Variants in FBN2 observed in about 807,000 individuals in gnomAD.
FBN2 encodes the protein fibrillin 2.
Under a neutral mutation model 355.6 loss-of-function variants are expected in FBN2, and 105 were observed. That is an observed-to-expected ratio of 0.30 (90% CI 0.25 to 0.35). The LOEUF is 0.35. Ranked by LOEUF, FBN2 falls within the 10% of genes least tolerant of loss-of-function variation. The pLI is 1.00. For missense variants in FBN2, 3,280 were observed against 3,758.7 expected (o/e 0.87, Z 3.33); for synonymous variants, 1,350 against 1,301.2 (o/e 1.04, Z -0.81).
At chr5:128,377,994 T>G (rs1051160056) in intron 12 of FBN2, 117 bp from the exon 13 acceptor site, 73 of 1,105,600 alleles carry the variant, frequency 6.6e-5, no homozygotes, top group Middle Eastern at 4.1e-4. Context: ...TAGCAAAATT[T>G]CTGTCTCTCA....
intron 5 of FBN2, among the ~76,000 whole-genome samples, chr5:128,512,431 T>G (rs1344321055): frequency 6.9e-6 from 1 of 145,596 alleles, no homozygotes; most frequent in Non-Finnish European, 1.5e-5. Flanking sequence ...GAGAATAGCT[T>G]GAACCGGGGA....
chr5:128,475,988 T>C (rs958080442), intron 5 of FBN2, among the ~76,000 whole-genome samples: 1 of 152,218 alleles, frequency 6.6e-6, no homozygotes, highest in African/African-American at 2.4e-5. Context: ...AAATTATTCC[T>C]ACAATCTCAA....
chr5:128,520,661 G>A (rs1756407089), intron 4 of FBN2, among the ~76,000 whole-genome samples: 1 of 152,140 alleles, frequency 6.6e-6, no homozygotes, highest in African/African-American at 2.4e-5. Flanking sequence ...GCTGATGATG[G>A]TCAGAAGACT....
intron 55 of FBN2, among the ~76,000 whole-genome samples, chr5:128,283,233 C>T (rs1749031230): frequency 6.6e-6 from 1 of 152,298 alleles, no homozygotes; most frequent in African/African-American, 2.4e-5. Context: ...TAAAACAATA[C>T]AAAAAACTCT....
At chr5:128,522,437 G>C (rs954600682) in intron 4 of FBN2, among the ~76,000 whole-genome samples, 1 of 152,158 alleles carries the variant, frequency 6.6e-6, no homozygotes, top group Admixed American at 6.5e-5. Flanking sequence ...CCTGCAAAAA[G>C]AGACTTAACA....
intron 34 of FBN2, among the ~76,000 whole-genome samples, chr5:128,319,937 A>C (rs903308156): frequency 1.3e-4 from 20 of 152,246 alleles, no homozygotes; most frequent in Non-Finnish European, 2.9e-4. Flanking sequence ...GACTAGACAA[A>C]TCATTCTAAA....
chr5:128,373,723 T>C (rs1752008543), intron 15 of FBN2, among the ~76,000 whole-genome samples: 1 of 152,172 alleles, frequency 6.6e-6, no homozygotes, highest in Non-Finnish European at 1.5e-5. Flanking sequence ...ATCACTGGAA[T>C]ATATTGCTGG....
At chr5:128,272,295 G>A (rs1331900761) in intron 61 of FBN2, among the ~76,000 whole-genome samples, 177 bp from the exon 62 acceptor site, 1 of 151,952 alleles carries the variant, frequency 6.6e-6, no homozygotes, top group Non-Finnish European at 1.5e-5. Flanking sequence ...TGGTGGTGCA[G>A]GGAACAGTTC....
chr5:128,293,983 C>T (rs1749417039), intron 48 of FBN2, among the ~76,000 whole-genome samples: 1 of 151,396 alleles, frequency 6.6e-6, no homozygotes, highest in Non-Finnish European at 1.5e-5. Flanking sequence ...GCTATCCCTC[C>T]CTCCTCCCCC....
chr5:128,532,156 T>C (rs1035722279), intron 2 of FBN2, among the ~76,000 whole-genome samples: 2 of 152,188 alleles, frequency 1.3e-5, no homozygotes, highest in Non-Finnish European at 2.9e-5. Flanking sequence ...GTATCTGACC[T>C]ACCCTGTGAT....
At chr5:128,346,984 G>A (rs1255535509) in intron 23 of FBN2, among the ~76,000 whole-genome samples, 1 of 152,196 alleles carries the variant, frequency 6.6e-6, no homozygotes, top group Non-Finnish European at 1.5e-5. Context: ...AGTGTGAAGT[G>A]TGATAGTAAT....
At chr5:128,505,738 C>T (rs1581356268) in intron 5 of FBN2, among the ~76,000 whole-genome samples, 2 of 152,262 alleles carry the variant, frequency 1.3e-5, no homozygotes, top group East Asian at 3.9e-4. Context: ...TCTTTTTCAA[C>T]TGTCTTCTTT....
intron 45 of FBN2, among the ~76,000 whole-genome samples, chr5:128,303,966 T>C (rs1249557808): frequency 6.6e-6 from 1 of 152,116 alleles, no homozygotes; most frequent in Non-Finnish European, 1.5e-5. Flanking sequence ...ACCTAGAGAA[T>C]TTTCCCTGCC....
At chr5:128,328,465 T>G in intron 34 of FBN2, 1 of 616,898 alleles carries the variant, frequency 1.6e-6, no homozygotes. Context: ...GAAAAAAGAA[T>G]GATCCAAACT....
intron 5 of FBN2, among the ~76,000 whole-genome samples, chr5:128,509,943 C>T (rs1376584993): frequency 6.6e-6 from 1 of 152,160 alleles, no homozygotes; most frequent in Non-Finnish European, 1.5e-5. Flanking sequence ...TCCTTTCAAG[C>T]AGTTCCTTCT....
In FBN2 at chr5:128,328,814, A is replaced by G; in HGVS notation, c.4353T>C (p.Asp1451=). ...AGAGGTTTATGTTTTCTGCACACTC[A>G]TCAACATCTGTGCAAAAAAGCAAAT... ...TGDGFTCSDV[D]ECAENINLCE... The change falls in exon 34 of 65, where the codon GAT becomes GAC. Residue 1451 remains aspartate, a synonymous_variant. Transcript: ENST00000262464. 2 of 1,614,178 alleles carry G rather than the reference A, an allele frequency of 1.2e-6. No homozygotes were observed. The highest frequency in any genetic ancestry group is 1.1e-5 in the South Asian group (1 of 91,086).
At chr5:128,481,950 T>A (rs900726800) in intron 5 of FBN2, among the ~76,000 whole-genome samples, 3 of 152,184 alleles carry the variant, frequency 2.0e-5, no homozygotes, top group Non-Finnish European at 2.9e-5. Flanking sequence ...AATCTTATAC[T>A]GTGGGTTCCA....
At chr5:128,476,868 T>G (rs902682760) in intron 5 of FBN2, among the ~76,000 whole-genome samples, 2 of 152,236 alleles carry the variant, frequency 1.3e-5, no homozygotes, top group African/African-American at 4.8e-5. Context: ...CAGAAGATTT[T>G]GTCTTCCACA....
chr5:128,364,472 T>C (rs1751716675), intron 18 of FBN2, 128 bp downstream of exon 18: 5 of 951,082 alleles, frequency 5.3e-6, no homozygotes, highest in Non-Finnish European at 7.9e-6. Context: ...CCTGTCAATG[T>C]GTAATATGAA....
Sources: gnomAD v4.1 joint callset for allele counts (sites outside exome capture counted in the v4.1 genomes callset) on GRCh38, gnomAD v4.1.1 for gene constraint, MANE v1.5 for transcripts, NCBI Gene and HGNC (gene_info 2026-07-23, HGNC 2026-07-21) for gene names.